The following PIK3R5 variants were observed in gnomAD, a reference collection of about 807,000 sequenced individuals.
PIK3R5 encodes the protein phosphoinositide 3-kinase regulatory subunit 5.
Under a neutral mutation model 94.9 loss-of-function variants are expected in PIK3R5, and 32 were observed. That is an observed-to-expected ratio of 0.34 (90% CI 0.25 to 0.45). PIK3R5 has a LOEUF of 0.45. PIK3R5 is among the 20% of genes least tolerant of loss of function. The probability of loss-of-function intolerance (pLI) is 1.00; values close to 1 mark genes in which losing one functional copy is unlikely to be tolerated. For synonymous variants in PIK3R5, 443 were observed against 479.4 expected (o/e 0.92, Z 0.99); for missense variants, 853 against 1,144.6 (o/e 0.75, Z 3.68).
intron 1 of PIK3R5, among the ~76,000 whole-genome samples, chr17:8,949,127 A>T (rs1393710933): frequency 6.6e-6 from 1 of 152,202 alleles, no homozygotes; most frequent in Admixed American, 6.5e-5. Flanking sequence ...GTTCAGCCCT[A>T]CTGAAGGGTA....
At chr17:8,959,656 G>T (rs973679422) in intron 1 of PIK3R5, among the ~76,000 whole-genome samples, 2 of 152,206 alleles carry the variant, frequency 1.3e-5, no homozygotes, top group African/African-American at 4.8e-5. Flanking sequence ...AGATTTGCCT[G>T]AAAAGGGCCA....
Position 8,880,460 on chromosome 17 carries a change from T to G in PIK3R5, c.*179A>C, listed in dbSNP as rs1487303875. On this transcript the variant is annotated 3_prime_UTR_variant, in exon 19 of 19. Coordinates refer to ENST00000447110, the MANE Select transcript of PIK3R5 (RefSeq NM_001142633.3). ...CCTTCTCTCTCTGATAGCTGTTGCT[T>G]TCCCAGAACCCTGAGGCCCCAGAAA... 3.5e-6 allele frequency: 2 copies of G among 564,562 alleles called. No individual in the cohort carries two copies. The highest frequency in any genetic ancestry group is 6.0e-5 in the East Asian group (2 of 33,492). 35.0% of individuals were successfully genotyped at this position (564,562 alleles called of 1,614,324 possible). A position where few individuals can be genotyped will look rare whatever the true frequency, so the allele number is the denominator to read the frequency against.
chr17:8,900,014 G>T (rs1215382997), intron 5 of PIK3R5, among the ~76,000 whole-genome samples: 2 of 151,970 alleles, frequency 1.3e-5, no homozygotes, highest in Non-Finnish European at 2.9e-5. Flanking sequence ...TTCCAGCCTG[G>T]GTGACAGAGC....
chr17:8,963,325 C>T (rs2091598688), intron 1 of PIK3R5, among the ~76,000 whole-genome samples: 2 of 152,136 alleles, frequency 1.3e-5, no homozygotes, highest in African/African-American at 4.8e-5. Flanking sequence ...GGCTTCCAAA[C>T]TCTAGGCTAC....
rs545416714 is a variant in PIK3R5 at position 8,915,373 on chromosome 17, A to C, written c.-13-3866T>G. ...CGGGAGGTGGAGGTTGCGGTGAGCC[A>C]AGATCATGCCAGCCTGGGTGACAGA... On this transcript the variant is annotated intron_variant, in intron 1 of 18. Coordinates refer to ENST00000447110, the MANE Select transcript of PIK3R5 (RefSeq NM_001142633.3). 1.8e-3 allele frequency among the ~76,000 whole-genome samples: 270 copies of C among 151,660 alleles called. 2 individuals are homozygous for C. The highest frequency in any genetic ancestry group is 6.2e-3 in the African/African-American group (258 of 41,310).
chr17:8,891,489 T>A (rs1169353784), intron 6 of PIK3R5, among the ~76,000 whole-genome samples: 3 of 152,192 alleles, frequency 2.0e-5, no homozygotes, highest in Non-Finnish European at 2.9e-5. Context: ...AGGCTTTCAC[T>A]GGCTGGGAGG....
chr17:8,926,752 C>A (rs768722184), intron 1 of PIK3R5, among the ~76,000 whole-genome samples: 18 of 152,046 alleles, frequency 1.2e-4, no homozygotes, highest in Non-Finnish European at 2.6e-4. Context: ...GGTGGGGACA[C>A]GGAGCCAAAC....
chr17:8,962,954 T>C (rs1162855492), intron 1 of PIK3R5, among the ~76,000 whole-genome samples: 1 of 152,210 alleles, frequency 6.6e-6, no homozygotes, highest in Non-Finnish European at 1.5e-5. Context: ...CACTCTATCT[T>C]CTTCTTCCAG....
intron 6 of PIK3R5, among the ~76,000 whole-genome samples, chr17:8,891,412 G>C (rs1597379181): frequency 6.6e-6 from 1 of 152,116 alleles, no homozygotes; most frequent in East Asian, 1.9e-4. Flanking sequence ...GGGATGCCAA[G>C]TCAGAGTGCA....
intron 5 of PIK3R5, among the ~76,000 whole-genome samples, chr17:8,898,495 GTATCAAAGAGA>G (rs2090202817): frequency 6.6e-6 from 1 of 152,222 alleles, no homozygotes; most frequent in Non-Finnish European, 1.5e-5. Context: ...ATGACTTTTG[GTATCAAAGAGA>G]TATGGGTTCA....
In PIK3R5 at chr17:8,955,250, G is replaced by A. The variant is rs749211258; in HGVS notation, c.-14+10346C>T. The stretch of plus-strand genomic sequence containing the variant: ...CGGGCCTCTTCCATGCTGGCTGCTC[G>A]ACCAGGCAATCACTCATTCAGCAAG... On this transcript the variant is annotated intron_variant, in intron 1 of 18. Transcript: ENST00000447110. This position sits in a 1 kb window ranked among gnomAD's most constrained non-coding sequence, Gnocchi z 4.4. 2.0e-4 allele frequency among the ~76,000 whole-genome samples: 31 copies of A among 152,196 alleles called. No homozygotes were observed. Among genetic ancestry groups the A allele is most frequent in the African/African-American group, 7.0e-4 (29 of 41,434 alleles).
At position 8,889,216 on chromosome 17, in the gene PIK3R5, G is replaced by A; in HGVS notation, c.818C>T (p.Ala273Val). Residue 273 changes from alanine (A) to valine (V), a missense_variant, in exon 9 of 19, where the codon GCA becomes GTA. Physicochemically the swap from Ala to Val is moderately conservative, Grantham distance 64 (BLOSUM62 0). Coordinates refer to ENST00000447110, the MANE Select transcript of PIK3R5 (RefSeq NM_001142633.3). The surrounding 1 kb of genome is among the most constrained non-coding windows in gnomAD (Gnocchi z 4.1). ...GATGGTGTGGAGCTTCCCTGGTTTT[G>A]CAGTGTCTGTAAGAACAGGGAGGAT... ...KAGFPGVLDT[A>V]KPGKLHTIPI... 1 of 1,613,314 alleles carries A rather than the reference G, an allele frequency of 6.2e-7. No homozygotes were observed.
Position 8,909,313 on chromosome 17 carries a change from CAG to C in PIK3R5, c.104-141_104-140del, listed in dbSNP as rs548715699. On this transcript the variant is annotated intron_variant, in intron 2 of 18. Coordinates refer to ENST00000447110, the MANE Select transcript of PIK3R5 (RefSeq NM_001142633.3). This position sits in a 1 kb window ranked among gnomAD's most constrained non-coding sequence, Gnocchi z 4.3. ...GGAACACTCTTTTTTTTTTTTGAGA[CAG>C]AGTCTTGCTCTGTCGCCAGGCTGGA... 8.5e-6 allele frequency: 5 copies of C among 587,552 alleles called. No individual in the cohort carries two copies. Among genetic ancestry groups the C allele is most frequent in the African/African-American group, 7.5e-5 (4 of 53,300 alleles). 36.4% of individuals were successfully genotyped at this position (587,552 alleles called of 1,614,324 possible).
At position 8,881,704 on chromosome 17, in the gene PIK3R5, T is replaced by C. The variant is rs770315635; in HGVS notation, c.2308A>G (p.Met770Val). ...CRKQEELDSS[M>V]EALTLNLTEV... Reference sequence around the variant, plus strand: ...GTCAGGTTTAGCGTCAGGGCCTCCATGCTGGAATCTGAGGGGCAAGGACAC... The same window carrying C: ...GTCAGGTTTAGCGTCAGGGCCTCCACGCTGGAATCTGAGGGGCAAGGACAC... Residue 770 changes from methionine (M) to valine (V), a missense_variant, in exon 17 of 19, where the codon ATG (methionine) becomes GTG (valine). Met to Val is a conservative substitution (Grantham distance 21, BLOSUM62 1). Coordinates refer to ENST00000447110, the MANE Select transcript of PIK3R5 (RefSeq NM_001142633.3). The surrounding 1 kb of genome is among the most constrained non-coding windows in gnomAD (Gnocchi z 4.8). The C allele has an allele frequency of 1.9e-6, 3 of 1,613,906 alleles. No homozygotes were observed. The highest frequency in any genetic ancestry group is 2.7e-5 in the African/African-American group (2 of 74,902).
chr17:8,886,372 C>A (rs771940941), intron 13 of PIK3R5, 50 bp from the exon 14 acceptor site: 2 of 1,592,038 alleles, frequency 1.3e-6, no homozygotes, highest in Non-Finnish European at 1.7e-6. Context: ...TGGAGGGGCC[C>A]ATTTGGCTCC....
intron 5 of PIK3R5, among the ~76,000 whole-genome samples, chr17:8,901,406 G>C (rs1417923683): frequency 6.7e-6 from 1 of 149,374 alleles, no homozygotes; most frequent in Non-Finnish European, 1.5e-5. Context: ...GCTGACTGAT[G>C]GGGGGGCAGG....
rs35776068 is a variant in PIK3R5, at chr17:8,902,846, A to ATTT, written c.412+1928_412+1930dup. Among the ~76,000 whole-genome samples, 923 of 140,178 alleles carry ATTT rather than the reference A, an allele frequency of 6.6e-3. 18 individuals are homozygous for ATTT. The highest frequency in any genetic ancestry group is 0.021 in the African/African-American group (799 of 37,780). 92.0% of individuals were successfully genotyped at this position (140,178 alleles called of 152,430 possible). A position where few individuals can be genotyped will look rare whatever the true frequency, so the allele number is the denominator to read the frequency against. The stretch of plus-strand genomic sequence containing the variant: ...CTCTTAATTTTATTTTTTAGATAGA[A>ATTT]TTTTTTTTTTTTTTTGAGACAGAGT... On this transcript the variant is annotated intron_variant, in intron 5 of 18. Coordinates refer to ENST00000447110, the MANE Select transcript of PIK3R5 (RefSeq NM_001142633.3).
chr17:8,954,276 C>T (rs569058920), intron 1 of PIK3R5, among the ~76,000 whole-genome samples: 1 of 152,182 alleles, frequency 6.6e-6, no homozygotes, highest in African/African-American at 2.4e-5. Flanking sequence ...GTTAGTAATA[C>T]TTTAATTTGC....
intron 10 of PIK3R5, among the ~76,000 whole-genome samples, 197 bp from the exon 11 acceptor site, chr17:8,887,880 A>G (rs984233558): frequency 6.6e-6 from 1 of 151,144 alleles, no homozygotes; most frequent in Admixed American, 6.6e-5. Flanking sequence ...GTGCACCTGT[A>G]ATCCCAGCTA....
Sources: allele counts gnomAD v4.1 joint callset (sites outside exome capture counted in the v4.1 genomes callset), GRCh38; gene constraint gnomAD v4.1.1; non-coding constraint Gnocchi (gnomAD v3.1); transcripts MANE v1.5; gene names NCBI Gene and HGNC (gene_info 2026-07-23, HGNC 2026-07-21).